CCDC93: variants seen among roughly 807,000 people sequenced by gnomAD.
CCDC93 encodes the protein coiled-coil domain-containing protein 93.
CCDC93 carries 61 observed loss-of-function variants against 108.2 expected under a neutral mutation model. That is an observed-to-expected ratio of 0.56 (90% CI 0.46 to 0.70). The LOEUF (loss-of-function observed/expected upper bound fraction) is 0.70. Among genes scored for constraint, CCDC93 ranks in the 30% least tolerant of loss-of-function variants. The pLI is 0.00. For synonymous variants in CCDC93, 276 were observed against 260.4 expected (o/e 1.06, Z -0.58); for missense variants, 685 against 764.2 (o/e 0.90, Z 1.22).
At position 118,008,671 on chromosome 2, in the gene CCDC93, G is replaced by A; in HGVS notation, c.43-13C>T. On this transcript the variant is annotated splice_polypyrimidine_tract_variant and intron_variant, in intron 1 of 23. Coordinates refer to ENST00000376300, the MANE Select transcript of CCDC93 (RefSeq NM_019044.5). Reference sequence around the variant, plus strand: ...CTCTTGTTTCCACCTAAAATAAAAGGTAAAACTTTGGCTGGTAAAAGATAT... The same window carrying A: ...CTCTTGTTTCCACCTAAAATAAAAGATAAAACTTTGGCTGGTAAAAGATAT... The A allele has an allele frequency of 6.4e-7, 1 of 1,555,752 alleles. No individual in the cohort carries two copies. The highest frequency in any genetic ancestry group is 8.9e-7 in the Non-Finnish European group (1 of 1,128,946).
chr2:117,921,992 G>C (rs1677885202), intron 23 of CCDC93, among the ~76,000 whole-genome samples: 1 of 151,668 alleles, frequency 6.6e-6, no homozygotes, highest in Admixed American at 6.6e-5. Flanking sequence ...AGATGTACTT[G>C]GGGGGAAAAA....
chr2:117,955,531 T>C (rs1352153475), intron 12 of CCDC93, among the ~76,000 whole-genome samples: 2 of 152,250 alleles, frequency 1.3e-5, no homozygotes, highest in East Asian at 3.8e-4. Flanking sequence ...TATGTCACAC[T>C]ATCCAGTCAC....
chr2:118,001,949 T>C (rs1446233197), intron 3 of CCDC93, among the ~76,000 whole-genome samples: 1 of 152,044 alleles, frequency 6.6e-6, no homozygotes, highest in African/African-American at 2.4e-5. Context: ...CCCAAAGCCA[T>C]GGTATGTAGC....
intron 7 of CCDC93, among the ~76,000 whole-genome samples, chr2:117,982,528 G>C (rs753563071): frequency 2.0e-5 from 3 of 152,112 alleles, no homozygotes; most frequent in Non-Finnish European, 2.9e-5. Flanking sequence ...TTAAGCAACT[G>C]AGAGTCAAAA....
In CCDC93 at chr2:117,975,510, A is replaced by T. The variant is rs575560432; in HGVS notation, c.658-230T>A. 8.6e-4 allele frequency among the ~76,000 whole-genome samples: 131 copies of T among 152,332 alleles called. 2 individuals carry two copies. In the South Asian group the frequency reaches 0.027, roughly 31 times the overall value. ...GTTTCCATGTCCCAGCTGCTCACTG[A>T]TTAAATTCAGGCCACACACATTTGC... On this transcript the variant is annotated intron_variant, in intron 8 of 23. Coordinates refer to ENST00000376300, the MANE Select transcript of CCDC93 (RefSeq NM_019044.5).
In CCDC93 at chr2:117,922,711, G is replaced by A. The variant is rs573217082; in HGVS notation, c.1843-2315C>T. 9.8e-5 allele frequency among the ~76,000 whole-genome samples: 15 copies of A among 152,298 alleles called. No individual in the cohort carries two copies. In the South Asian group the frequency reaches 2.7e-3, roughly 27 times the overall value. ...CCAGGATGCAGTGAGAATTCAGAACGCAGAAGTAGAGGGCCAGTGAGGGGA... is the reference window on the plus strand; with the variant it reads ...CCAGGATGCAGTGAGAATTCAGAACACAGAAGTAGAGGGCCAGTGAGGGGA... On this transcript the variant is annotated intron_variant, in intron 23 of 23. Coordinates refer to ENST00000376300, the MANE Select transcript of CCDC93 (RefSeq NM_019044.5).
At chr2:118,005,288 T>C (rs1676832799) in intron 3 of CCDC93, among the ~76,000 whole-genome samples, 1 of 151,876 alleles carries the variant, frequency 6.6e-6, no homozygotes, top group South Asian at 2.1e-4. Context: ...CAAGGGGAAT[T>C]TAGGAAAAAA....
At chr2:117,955,533 T>A (rs1679191499) in intron 12 of CCDC93, among the ~76,000 whole-genome samples, 1 of 152,236 alleles carries the variant, frequency 6.6e-6, no homozygotes, top group Non-Finnish European at 1.5e-5. Context: ...TGTCACACTA[T>A]CCAGTCACTA....
rs780420862 is a variant in CCDC93, at chr2:117,931,021, C to T, written c.1842+16G>A. ...TCTCACGTTAGCCTTAATGTGCTACCCAGCCTTCCTCTTACCTCCTTGAAC... is the reference window on the plus strand; with the variant it reads ...TCTCACGTTAGCCTTAATGTGCTACTCAGCCTTCCTCTTACCTCCTTGAAC... On this transcript the variant is annotated intron_variant, in intron 23 of 23. Transcript: ENST00000376300. 6.5e-7 allele frequency: 1 copy of T among 1,527,532 alleles called. No homozygotes were observed. The highest frequency in any genetic ancestry group is 9.0e-7 in the Non-Finnish European group (1 of 1,106,830). 94.6% of individuals were successfully genotyped at this position (1,527,532 alleles called of 1,614,324 possible).
intron 22 of CCDC93, among the ~76,000 whole-genome samples, chr2:117,932,364 C>T (rs1207210384): frequency 4.6e-5 from 7 of 152,154 alleles, no homozygotes; most frequent in Admixed American, 4.6e-4. Context: ...AAATTGACTG[C>T]ATTTTATTCA....
chr2:117,951,019 C>T, intron 13 of CCDC93: 1 of 983,566 alleles, frequency 1.0e-6, no homozygotes, highest in Non-Finnish European at 1.2e-6. Context: ...CTTTCTATAA[C>T]ATGAAAAGGG....
Position 117,952,314 on chromosome 2 carries a change from T to C in CCDC93, c.1068+59A>G. ...TGAAACACATCATTCCATTAGTGGT[T>C]CAGGTCAAAAACAATTCTTGACAAG... On this transcript the variant is annotated intron_variant, in intron 13 of 23. Transcript: ENST00000376300. The C allele has an allele frequency of 2.7e-6, 3 of 1,092,610 alleles. No individual in the cohort carries two copies. The South Asian group carries it at 3.7e-5, about 14-fold the overall frequency. The allele number at this position is 1,092,610 out of a possible 1,614,324, so 67.7% of individuals were successfully genotyped here. A position where few individuals can be genotyped will look rare whatever the true frequency, so the allele number is the denominator to read the frequency against.
At chr2:117,936,018 T>C (rs1434237216) in intron 21 of CCDC93, among the ~76,000 whole-genome samples, 1 of 151,684 alleles carries the variant, frequency 6.6e-6, no homozygotes, top group African/African-American at 2.4e-5. Flanking sequence ...GAAGCTGTGG[T>C]TTTTTGTTTT....
At chr2:117,944,716 C>A (rs1311365424) in intron 17 of CCDC93, 3 of 470,856 alleles carry the variant, frequency 6.4e-6, no homozygotes, top group East Asian at 6.9e-5. Flanking sequence ...ATAAACACAC[C>A]CCCCTACCCA....
intron 6 of CCDC93, among the ~76,000 whole-genome samples, chr2:117,991,417 T>C (rs945367277): frequency 1.3e-5 from 2 of 152,104 alleles, no homozygotes; most frequent in African/African-American, 2.4e-5. Flanking sequence ...GCTAGGAATA[T>C]GTGGGAAAGC....
chr2:117,963,893 T>C (rs1251869504), intron 11 of CCDC93, among the ~76,000 whole-genome samples: 1 of 152,230 alleles, frequency 6.6e-6, no homozygotes, highest in Non-Finnish European at 1.5e-5. Flanking sequence ...TCCAAGTCTT[T>C]ATGCAAATTG....
At chr2:117,975,079 C>A (rs1214363271) in intron 9 of CCDC93, 109 bp downstream of exon 9, 14 of 1,083,240 alleles carry the variant, frequency 1.3e-5, no homozygotes, top group Non-Finnish European at 1.8e-5. Flanking sequence ...CTGCTCACAG[C>A]AGCTGGCTGT....
At chr2:117,952,154 A>C (rs1035342150) in intron 13 of CCDC93, among the ~76,000 whole-genome samples, 3 of 151,986 alleles carry the variant, frequency 2.0e-5, no homozygotes, top group Non-Finnish European at 4.4e-5. Context: ...CCTCCCACCA[A>C]GACCACTAAG....
At chr2:117,927,697 T>C (rs1350049454) in intron 23 of CCDC93, among the ~76,000 whole-genome samples, 1 of 152,174 alleles carries the variant, frequency 6.6e-6, no homozygotes, top group Admixed American at 6.5e-5. Context: ...AGGTAATTTA[T>C]AGATTCAATG....
Sources: allele counts gnomAD v4.1 joint callset (sites outside exome capture counted in the v4.1 genomes callset), GRCh38; gene constraint gnomAD v4.1.1; transcripts MANE v1.5; gene names NCBI Gene and HGNC (gene_info 2026-07-23, HGNC 2026-07-21).